Variants in KCNMA1 observed in about 807,000 individuals in gnomAD.
The protein encoded by KCNMA1 is potassium calcium-activated channel subfamily M alpha 1.
In KCNMA1, 29 loss-of-function variants were observed where a neutral mutation model predicts 140.0. The ratio of observed to expected loss-of-function variants is 0.21; its 90% CI spans 0.15 to 0.28. The LOEUF is 0.28. Ranked by LOEUF, KCNMA1 falls within the 10% of genes least tolerant of loss-of-function variation. The probability of loss-of-function intolerance (pLI) is 1.00; values close to 1 mark genes in which losing one functional copy is unlikely to be tolerated. For missense variants in KCNMA1, 880 were observed against 1,602.2 expected, an observed-to-expected ratio of 0.55 and a Z score of 7.70; for synonymous variants, 612 against 611.9, an observed-to-expected ratio of 1.00 and a Z score of 0.00.
At chr10:76,898,162 T>C (rs1189835096) in intron 25 of KCNMA1, among the ~76,000 whole-genome samples, 1 of 151,828 alleles carries the variant, frequency 6.6e-6, no homozygotes, top group Non-Finnish European at 1.5e-5. Context: ...ATTTTCAGAC[T>C]TGTTCAAATG....
At chr10:77,168,879 T>C (rs1416539709) in intron 5 of KCNMA1, among the ~76,000 whole-genome samples, 1 of 152,160 alleles carries the variant, frequency 6.6e-6, no homozygotes, top group African/African-American at 2.4e-5. Flanking sequence ...AAAAGAAAGA[T>C]AATAATTTTT....
chr10:77,069,226 T>C (rs1430451565), intron 14 of KCNMA1, among the ~76,000 whole-genome samples: 1 of 152,094 alleles, frequency 6.6e-6, no homozygotes, highest in African/African-American at 2.4e-5. Flanking sequence ...GATCAGACAG[T>C]GGCAAATGAA....
chr10:77,427,387 C>A (rs1333078657), intron 1 of KCNMA1, among the ~76,000 whole-genome samples: 1 of 152,220 alleles, frequency 6.6e-6, no homozygotes, highest in African/African-American at 2.4e-5. Flanking sequence ...GGGTTCTTAA[C>A]CTCTGTGAGC....
rs763720619 is a variant in KCNMA1 at position 76,970,079 on chromosome 10, G to C, written c.2267-12C>G. 2 of 1,607,456 alleles carry C rather than the reference G, an allele frequency of 1.2e-6. No individual in the cohort carries two copies. Reference sequence around the variant, plus strand: ...CTGCTCATCTTCAACTGGAAATACAGGCAGCTCATGAGATTATGAACAGTT... The same window carrying C: ...CTGCTCATCTTCAACTGGAAATACACGCAGCTCATGAGATTATGAACAGTT... On this transcript the variant is annotated splice_polypyrimidine_tract_variant and intron_variant, in intron 19 of 27. Transcript: ENST00000286628.
intron 2 of KCNMA1, among the ~76,000 whole-genome samples, chr10:77,311,069 A>G (rs1014568913): frequency 6.6e-6 from 1 of 152,156 alleles, no homozygotes; most frequent in African/African-American, 2.4e-5. Flanking sequence ...GGGTCTGAAG[A>G]CCAAAGTCTG....
chr10:77,549,153 A>G (rs1185084182), intron 1 of KCNMA1, among the ~76,000 whole-genome samples: 2 of 152,208 alleles, frequency 1.3e-5, no homozygotes, highest in Non-Finnish European at 2.9e-5. Flanking sequence ...AGTCCTCAAC[A>G]CTGAAGTAGG....
intron 2 of KCNMA1, among the ~76,000 whole-genome samples, chr10:77,351,864 A>G (rs1008405175): frequency 6.6e-6 from 1 of 152,222 alleles, no homozygotes; most frequent in Non-Finnish European, 1.5e-5. Context: ...CTGTTCTTCT[A>G]ATTGTTTCTA....
In KCNMA1 at chr10:76,969,214, A is replaced by C. The variant is rs72803376; in HGVS notation, c.2360+760T>G. On this transcript the variant is annotated intron_variant, in intron 20 of 27. Transcript: ENST00000286628. Reference sequence around the variant, plus strand: ...GACTTCACTTGCTATTTACCAGAGGAAGCCATAGTCAAGAAAGAAGTGAGG... The same window carrying C: ...GACTTCACTTGCTATTTACCAGAGGCAGCCATAGTCAAGAAAGAAGTGAGG... Among the ~76,000 whole-genome samples the C allele has an allele frequency of 9.5e-3, 1,392 of 146,480 alleles. 12 individuals carry two copies. The highest frequency in any genetic ancestry group is 0.024 in the South Asian group (103 of 4,272).
intron 1 of KCNMA1, among the ~76,000 whole-genome samples, chr10:77,520,575 G>A (rs2053020689): frequency 6.6e-6 from 1 of 152,010 alleles, no homozygotes; most frequent in African/African-American, 2.4e-5. Flanking sequence ...TAGGAATGAT[G>A]GGATCTCATT....
rs571999032 is a variant in KCNMA1 at position 77,416,505 on chromosome 10, A to C, written c.379-12482T>G. 2.0e-3 allele frequency among the ~76,000 whole-genome samples: 310 copies of C among 152,346 alleles called. 2 individuals are homozygous for C. Among genetic ancestry groups the C allele is most frequent in the Non-Finnish European group, 3.5e-3 (236 of 68,028 alleles). On this transcript the variant is annotated intron_variant, in intron 1 of 27. Transcript: ENST00000286628. The stretch of plus-strand genomic sequence containing the variant: ...GGGGCAACTGGGAAGAAAGAATTCA[A>C]CCACAGATAGCAGATAGGATGAATT...
At chr10:77,407,388 T>C (rs2096504859) in intron 1 of KCNMA1, among the ~76,000 whole-genome samples, 1 of 152,232 alleles carries the variant, frequency 6.6e-6, no homozygotes, top group African/African-American at 2.4e-5. Context: ...TCAGTAGCCT[T>C]GCTGGGAACA....
chr10:77,170,216 A>G (rs1377331172), intron 5 of KCNMA1, among the ~76,000 whole-genome samples: 1 of 152,142 alleles, frequency 6.6e-6, no homozygotes, highest in Admixed American at 6.5e-5. Context: ...AATAAATTTA[A>G]AAAAAAGAAA....
At chr10:77,071,469 G>A (rs904081677) in intron 14 of KCNMA1, 3 of 152,212 alleles carry the variant, frequency 2.0e-5, no homozygotes, top group African/African-American at 7.2e-5. Context: ...AGTTCTCGTG[G>A]TGACAGTCCT....
At position 76,914,919 on chromosome 10, in the gene KCNMA1, C is replaced by G. The variant is rs185614130; in HGVS notation, c.3016+17G>C. 25 of 1,551,910 alleles carry G rather than the reference C, an allele frequency of 1.6e-5. No homozygotes were observed. The highest frequency in any genetic ancestry group is 2.1e-5 in the Non-Finnish European group (24 of 1,123,648). ...GACAGAACAAAAACTCCCCCCAAAGCTGACATTGACCCCTACCTAGTTCAG... is the reference window on the plus strand; with the variant it reads ...GACAGAACAAAAACTCCCCCCAAAGGTGACATTGACCCCTACCTAGTTCAG... On this transcript the variant is annotated intron_variant, in intron 24 of 27. Transcript: ENST00000286628.
At chr10:77,051,769 C>T (rs2095375452) in intron 14 of KCNMA1, among the ~76,000 whole-genome samples, 1 of 152,190 alleles carries the variant, frequency 6.6e-6, no homozygotes, top group African/African-American at 2.4e-5. Flanking sequence ...AGCATAACCT[C>T]TCCAAGCCTT....
intron 5 of KCNMA1, among the ~76,000 whole-genome samples, chr10:77,127,000 T>C (rs1366543594): frequency 6.6e-6 from 1 of 151,296 alleles, no homozygotes; most frequent in Non-Finnish European, 1.5e-5. Context: ...AGAATTACAA[T>C]AGCGTAGGAG....
chr10:77,505,815 A>C (rs1200136746), intron 1 of KCNMA1, among the ~76,000 whole-genome samples: 1 of 152,230 alleles, frequency 6.6e-6, no homozygotes, highest in East Asian at 1.9e-4. Flanking sequence ...TGAAGTAATT[A>C]GCTAACATTT....
intron 19 of KCNMA1, among the ~76,000 whole-genome samples, chr10:76,996,400 A>G (rs955755779): frequency 7.2e-5 from 11 of 152,198 alleles, no homozygotes; most frequent in Admixed American, 5.9e-4. Flanking sequence ...GAGTGTCTTA[A>G]GAAGCCCCTT....
intron 14 of KCNMA1, among the ~76,000 whole-genome samples, chr10:77,068,607 A>T (rs2096053204): frequency 6.6e-6 from 1 of 151,944 alleles, no homozygotes; most frequent in Non-Finnish European, 1.5e-5. Context: ...AAAAAAAACA[A>T]CACTAGAAAT....
Sources: gnomAD v4.1 joint callset for allele counts (sites outside exome capture counted in the v4.1 genomes callset) on GRCh38, gnomAD v4.1.1 for gene constraint, MANE v1.5 for transcripts, NCBI Gene and HGNC (gene_info 2026-07-23, HGNC 2026-07-21) for gene names.